COL24A1: variants seen among roughly 807,000 people sequenced by gnomAD.
The protein encoded by COL24A1 is collagen alpha-1(XXIV) chain.
Under a neutral mutation model 253.9 loss-of-function variants are expected in COL24A1, and 224 were observed. That is an observed-to-expected ratio of 0.88 (90% confidence interval 0.79 to 0.99). The LOEUF (loss-of-function observed/expected upper bound fraction) is 0.99, where lower values mean the gene tolerates loss of function less well. Ranked by LOEUF, COL24A1 falls within the 50% of genes least tolerant of loss-of-function variation. The pLI is 0.00. For missense variants in COL24A1, 2,131 were observed against 2,068.5 expected (o/e 1.03, Z -0.59); for synonymous variants, 685 against 673.7 (o/e 1.02, Z -0.26).
At chr1:85,802,696 G>C (rs1671562296) in intron 47 of COL24A1, among the ~76,000 whole-genome samples, 1 of 152,030 alleles carries the variant, frequency 6.6e-6, no homozygotes, top group African/African-American at 2.4e-5. Context: ...ACTACCCCTA[G>C]AAGTTTTTCC....
At chr1:85,814,951 T>G (rs1672912480) in intron 47 of COL24A1, among the ~76,000 whole-genome samples, 1 of 152,160 alleles carries the variant, frequency 6.6e-6, no homozygotes, top group Non-Finnish European at 1.5e-5. Flanking sequence ...GACTTCCTGG[T>G]CCTATTAATA....
chr1:85,898,308 T>G (rs1683954986), intron 28 of COL24A1, among the ~76,000 whole-genome samples: 1 of 152,188 alleles, frequency 6.6e-6, no homozygotes, highest in Non-Finnish European at 1.5e-5. Flanking sequence ...TTTATATTAT[T>G]AAAAGCTATT....
At chr1:86,021,022 T>G (rs1050252703) in intron 18 of COL24A1, among the ~76,000 whole-genome samples, 9 of 152,132 alleles carry the variant, frequency 5.9e-5, no homozygotes, top group Non-Finnish European at 1.0e-4. Flanking sequence ...GGTTAAATAA[T>G]TCCTAAGAGA....
intron 19 of COL24A1, among the ~76,000 whole-genome samples, chr1:85,999,642 T>TAAAATAAAATAAAATAAAAAAG (rs1197457273): frequency 6.7e-6 from 1 of 148,728 alleles, no homozygotes; most frequent in East Asian, 2.0e-4. Flanking sequence ...TAAAGTAAAA[T>TAAAATAAAATAAAATAAAAAAG]AAAATAAAAT....
At chr1:86,024,625 C>T (rs1697852141) in intron 14 of COL24A1, among the ~76,000 whole-genome samples, 2 of 152,158 alleles carry the variant, frequency 1.3e-5, no homozygotes, top group African/African-American at 4.8e-5. Context: ...TACTTTCCAA[C>T]TTAATAGATA....
At chr1:85,924,388 T>A (rs181490655) in intron 24 of COL24A1, among the ~76,000 whole-genome samples, 6 of 152,310 alleles carry the variant, frequency 3.9e-5, no homozygotes, top group African/African-American at 1.2e-4. Flanking sequence ...TTTAGACCAA[T>A]ATCCCTGATG....
intron 35 of COL24A1, among the ~76,000 whole-genome samples, chr1:85,874,181 G>A (rs941602499): frequency 3.3e-5 from 5 of 152,018 alleles, no homozygotes; most frequent in East Asian, 1.9e-4. Flanking sequence ...TTAGCATAAC[G>A]TCTCAAAGCT....
At chr1:85,736,623 G>A (rs905918708) in intron 58 of COL24A1, 13 of 388,456 alleles carry the variant, frequency 3.3e-5, no homozygotes, top group Admixed American at 2.3e-4. Flanking sequence ...AGGAGAGGGC[G>A]GTTCAATAAG....
chr1:86,106,299 T>G (rs1704975937), intron 5 of COL24A1, among the ~76,000 whole-genome samples: 2 of 151,892 alleles, frequency 1.3e-5, no homozygotes, highest in African/African-American at 2.4e-5. Flanking sequence ...TGTTCAATAC[T>G]TTATATATAT....
intron 13 of COL24A1, 142 bp downstream of exon 13, chr1:86,033,728 C>A: frequency 3.0e-6 from 2 of 666,866 alleles, no homozygotes; most frequent in South Asian, 5.1e-5. Context: ...TGAAAAATCA[C>A]AAACTGGAAT....
At chr1:85,977,928 C>T (rs1310754846) in intron 20 of COL24A1, among the ~76,000 whole-genome samples, 2 of 152,128 alleles carry the variant, frequency 1.3e-5, no homozygotes. Context: ...ACACAGTCAT[C>T]AGGTTCTCCA....
At chr1:85,768,594 A>AGGC (rs1667634413) in intron 53 of COL24A1, among the ~76,000 whole-genome samples, 1 of 147,244 alleles carries the variant, frequency 6.8e-6, no homozygotes, top group Non-Finnish European at 1.5e-5. Flanking sequence ...GTGCGGGGGG[A>AGGC]GGGCTTATTT....
At position 86,134,651 on chromosome 1, in the gene COL24A1, G is replaced by A. The variant is rs1452050034; in HGVS notation, c.122-8437C>T. Among the ~76,000 whole-genome samples the A allele has an allele frequency of 3.4e-5, 5 of 148,324 alleles. No homozygotes were observed. In the East Asian group the frequency reaches 7.9e-4, roughly 23 times the overall value. On this transcript the variant is annotated intron_variant, in intron 2 of 59. Transcript: ENST00000370571. Reference sequence around the variant, plus strand: ...CAGGTTGTTCAGTTTCCATGTAGTCGTGCGGTTTTCAGTGAGTTTCTTAAT... The same window carrying A: ...CAGGTTGTTCAGTTTCCATGTAGTCATGCGGTTTTCAGTGAGTTTCTTAAT...
chr1:85,933,630 T>TG, intron 24 of COL24A1, among the ~76,000 whole-genome samples: 1 of 152,148 alleles, frequency 6.6e-6, no homozygotes, highest in Non-Finnish European at 1.5e-5. Context: ...CTTATTCTCA[T>TG]TTTTTTCCAT....
chr1:85,954,186 G>T (rs899937448), intron 24 of COL24A1, among the ~76,000 whole-genome samples: 1 of 152,050 alleles, frequency 6.6e-6, no homozygotes, highest in African/African-American at 2.4e-5. Context: ...ACCAGTACAT[G>T]AATGCTAGGT....
chr1:85,891,950 T>C (rs1396398322), intron 31 of COL24A1, among the ~76,000 whole-genome samples: 3 of 152,194 alleles, frequency 2.0e-5, no homozygotes, highest in African/African-American at 7.2e-5. Flanking sequence ...CCCTTCTCTA[T>C]GACTTCAACC....
intron 19 of COL24A1, among the ~76,000 whole-genome samples, chr1:86,007,219 A>C (rs1246457723): frequency 6.7e-6 from 1 of 149,502 alleles, no homozygotes; most frequent in Non-Finnish European, 1.5e-5. Context: ...TCTCAAAACA[A>C]ACAAACAAAC....
rs1187813138 is a variant in COL24A1, at chr1:85,868,539, A to T, written c.3280T>A (p.Ser1094Thr). The T allele has an allele frequency of 2.5e-6, 4 of 1,613,650 alleles. No homozygotes were observed. The highest frequency in any genetic ancestry group is 3.4e-6 in the Non-Finnish European group (4 of 1,179,786). Residue 1094 changes from serine (S) to threonine (T), a missense_variant, in exon 37 of 60, where the codon TCA (serine) becomes ACA (threonine). By Grantham distance (58) the Ser-to-Thr change is moderately conservative. Transcript: ENST00000370571. Reference sequence around the variant, plus strand: ...CTTACCGGAAGGCCTGTTTGGCCTGATCTACCCAAGGGTCCTATAATTCCT... The same window carrying T: ...CTTACCGGAAGGCCTGTTTGGCCTGTTCTACCCAAGGGTCCTATAATTCCT... ...LPGIIGPLGR[S>T]GQTGLPGPEG...
intron 19 of COL24A1, among the ~76,000 whole-genome samples, chr1:85,992,725 T>C (rs2100978742): frequency 6.6e-6 from 1 of 152,292 alleles, no homozygotes; most frequent in African/African-American, 2.4e-5. Context: ...TTTTTATAAA[T>C]TTAAAATAAT....
Sources: gnomAD v4.1 joint callset for allele counts (sites outside exome capture counted in the v4.1 genomes callset) on GRCh38, gnomAD v4.1.1 for gene constraint, MANE v1.5 for transcripts, NCBI Gene and HGNC (gene_info 2026-07-23, HGNC 2026-07-21) for gene names.